Variants in LRRC4C observed in about 807,000 individuals in gnomAD.
LRRC4C encodes the protein leucine-rich repeat-containing protein 4C.
LRRC4C carries 5 observed loss-of-function variants against 33.6 expected under a neutral mutation model. The ratio of observed to expected loss-of-function variants is 0.15; its 90% CI spans 0.08 to 0.31. The LOEUF (loss-of-function observed/expected upper bound fraction) is 0.31, where lower values mean the gene tolerates loss of function less well. LRRC4C is among the 10% of genes least tolerant of loss of function. LRRC4C has a pLI of 1.00. For synonymous variants in LRRC4C, 329 were observed against 302.0 expected (o/e 1.09, Z -0.93); for missense variants, 560 against 796.7 (o/e 0.70, Z 3.58).
chr11:40,322,670 G>C (rs1023167063), intron 3 of LRRC4C, among the ~76,000 whole-genome samples: 1 of 152,164 alleles, frequency 6.6e-6, no homozygotes, highest in Non-Finnish European at 1.5e-5. Flanking sequence ...CTTCCTGTTT[G>C]TAGATCTTTA....
chr11:40,990,516 G>A lies in LRRC4C; in HGVS notation c.-495-56793C>T, dbSNP rs147204813. Among the ~76,000 whole-genome samples, 496 of 151,924 alleles carry A rather than the reference G, an allele frequency of 3.3e-3. 2 individuals are homozygous for A. The highest frequency in any genetic ancestry group is 0.011 in the African/African-American group (453 of 41,458). On this transcript the variant is annotated intron_variant, in intron 1 of 6. Coordinates refer to ENST00000528697, the MANE Select transcript of LRRC4C (RefSeq NM_001258419.2). ...TCCAGACTCTGTGCATTAATCACTG[G>A]ATCAGTGGTTCTCAATGCATAATTA...
intron 1 of LRRC4C, among the ~76,000 whole-genome samples, chr11:41,046,825 T>C (rs1412702642): frequency 6.6e-6 from 1 of 152,122 alleles, no homozygotes; most frequent in East Asian, 1.9e-4. Context: ...TACTGAACTA[T>C]AGAGAAAGCT....
chr11:40,277,346 A>C (rs184628936), intron 4 of LRRC4C, among the ~76,000 whole-genome samples: 103 of 152,278 alleles, frequency 6.8e-4, no homozygotes, highest in African/African-American at 2.5e-3. Context: ...TAAGTGATGC[A>C]TAAAAAGTTT....
chr11:40,120,768 T>A (rs571531165), intron 6 of LRRC4C, among the ~76,000 whole-genome samples: 3 of 152,134 alleles, frequency 2.0e-5, no homozygotes, highest in Non-Finnish European at 4.4e-5. Context: ...GTTTGCTACC[T>A]TTTTCTTTTT....
At chr11:40,464,522 G>C (rs1459999451) in intron 3 of LRRC4C, among the ~76,000 whole-genome samples, 1 of 151,994 alleles carries the variant, frequency 6.6e-6, no homozygotes, top group Admixed American at 6.6e-5. Flanking sequence ...AATTGGAAAA[G>C]AGGAAGTTGA....
At chr11:41,429,180 C>A (rs181962881) in intron 1 of LRRC4C, among the ~76,000 whole-genome samples, 2 of 152,200 alleles carry the variant, frequency 1.3e-5, no homozygotes, top group Admixed American at 1.3e-4. Context: ...TTTTGGTTGG[C>A]ACTTCTCCTT....
intron 2 of LRRC4C, among the ~76,000 whole-genome samples, chr11:40,804,846 C>T (rs1163443408): frequency 6.6e-6 from 1 of 152,038 alleles, no homozygotes; most frequent in Admixed American, 6.6e-5. Context: ...ATTAGTACTC[C>T]ATTGCATTGG....
chr11:41,161,115 C>T (rs1274011565), intron 1 of LRRC4C, among the ~76,000 whole-genome samples: 1 of 152,056 alleles, frequency 6.6e-6, no homozygotes, highest in East Asian at 1.9e-4. Flanking sequence ...AACAAATGCC[C>T]ATGATAACTA....
At chr11:40,738,607 A>T (rs1179493928) in intron 2 of LRRC4C, among the ~76,000 whole-genome samples, 1 of 152,154 alleles carries the variant, frequency 6.6e-6, no homozygotes, top group East Asian at 1.9e-4. Flanking sequence ...TCTGTAATAG[A>T]GCCAAAAGAC....
intron 2 of LRRC4C, among the ~76,000 whole-genome samples, chr11:40,906,668 C>T (rs1475438229): frequency 6.6e-6 from 1 of 151,800 alleles, no homozygotes; most frequent in African/African-American, 2.4e-5. Flanking sequence ...ACTGAACCTC[C>T]AATATGTCTG....
chr11:41,349,467 C>T (rs952752688), intron 1 of LRRC4C, among the ~76,000 whole-genome samples: 1 of 150,582 alleles, frequency 6.6e-6, no homozygotes. Context: ...AAAAACAAAA[C>T]AAAACAAAAC....
rs555183790 is a variant in LRRC4C at position 41,230,805 on chromosome 11, C to G, written c.-496+228626G>C. On this transcript the variant is annotated intron_variant, in intron 1 of 6. Coordinates refer to ENST00000528697, the MANE Select transcript of LRRC4C (RefSeq NM_001258419.2). ...TCTGCACAGCAAAAGAAACCACCAT[C>G]AGAGTGAACAGGCAACCTACAGAAT... 4.0e-5 allele frequency among the ~76,000 whole-genome samples: 6 copies of G among 150,392 alleles called. No individual in the cohort carries two copies. In the East Asian group the frequency reaches 1.2e-3, roughly 30 times the overall value.
chr11:41,423,100 C>A (rs760037316), intron 1 of LRRC4C, among the ~76,000 whole-genome samples: 2 of 152,064 alleles, frequency 1.3e-5, no homozygotes, highest in Non-Finnish European at 2.9e-5. Flanking sequence ...GTAATAGTGA[C>A]AAACACTGGG....
At chr11:40,349,594 T>C (rs577644427) in intron 3 of LRRC4C, among the ~76,000 whole-genome samples, 62 of 152,298 alleles carry the variant, frequency 4.1e-4, no homozygotes, top group African/African-American at 1.5e-3. Context: ...TGCCCAGTAG[T>C]GGAACGGCTG....
intron 2 of LRRC4C, among the ~76,000 whole-genome samples, chr11:40,698,030 T>C (rs1041881864): frequency 1.4e-5 from 2 of 146,790 alleles, no homozygotes; most frequent in African/African-American, 5.0e-5. Context: ...ATTGCACCAC[T>C]GCCCTCCAGC....
intron 3 of LRRC4C, among the ~76,000 whole-genome samples, chr11:40,323,282 G>C (rs542688739): frequency 5.9e-5 from 9 of 152,306 alleles, no homozygotes; most frequent in African/African-American, 1.9e-4. Flanking sequence ...GGACTCTGCT[G>C]TTAGAAGCTC....
intron 2 of LRRC4C, among the ~76,000 whole-genome samples, chr11:40,797,045 A>C (rs1950863626): frequency 6.6e-6 from 1 of 152,208 alleles, no homozygotes; most frequent in African/African-American, 2.4e-5. Context: ...ACAGTGGAGA[A>C]TAATTTGGAT....
At position 40,824,331 on chromosome 11, in the gene LRRC4C, A is replaced by T. The variant is rs1012257483; in HGVS notation, c.-407+109304T>A. ...CTGTTAAGATGTATAGAATATTAGGATAAAATTCAAAAATTTTAAAAGTAG... is the reference window on the plus strand; with the variant it reads ...CTGTTAAGATGTATAGAATATTAGGTTAAAATTCAAAAATTTTAAAAGTAG... On this transcript the variant is annotated intron_variant, in intron 2 of 6. Transcript: ENST00000528697. Among the ~76,000 whole-genome samples the T allele has an allele frequency of 5.9e-5, 9 of 151,998 alleles. 1 individual carries two copies. The highest frequency in any genetic ancestry group is 1.3e-4 in the Non-Finnish European group (9 of 67,956).
At position 41,090,639 on chromosome 11, in the gene LRRC4C, C is replaced by T. The variant is rs1383131265; in HGVS notation, c.-495-156916G>A. Among the ~76,000 whole-genome samples, 7 of 152,118 alleles carry T rather than the reference C, an allele frequency of 4.6e-5. No homozygotes were observed. The East Asian group carries it at 1.3e-3, about 29-fold the overall frequency. On this transcript the variant is annotated intron_variant, in intron 1 of 6. Transcript: ENST00000528697. ...TTTGGCTCTATGTCCCCACCCAAAT[C>T]TCACCTCGAATTGTAATCCCCATAA...
Sources: gnomAD v4.1 joint callset for allele counts (sites outside exome capture counted in the v4.1 genomes callset) on GRCh38, gnomAD v4.1.1 for gene constraint, MANE v1.5 for transcripts, NCBI Gene and HGNC (gene_info 2026-07-23, HGNC 2026-07-21) for gene names.